SLC12A6: variants seen among roughly 807,000 people sequenced by gnomAD.
SLC12A6 encodes solute carrier family 12 member 6.
A neutral mutation model predicts 135.3 loss-of-function variants in SLC12A6; 66 were observed. That is an observed-to-expected ratio of 0.49 (90% CI 0.40 to 0.60). The LOEUF is 0.60. Ranked by LOEUF, SLC12A6 falls within the 20% of genes least tolerant of loss-of-function variation. The pLI, the probability that SLC12A6 is intolerant of heterozygous loss-of-function variation, is 0.00. For synonymous variants in SLC12A6, 513 were observed against 508.8 expected (o/e 1.01, Z -0.11); for missense variants, 1,058 against 1,452.3 (o/e 0.73, Z 4.41).
chr15:34,273,656 G>A (rs543626466), intron 3 of SLC12A6, among the ~76,000 whole-genome samples: 3 of 152,226 alleles, frequency 2.0e-5, no homozygotes, highest in African/African-American at 7.2e-5. Context: ...CTTTTTGATA[G>A]CTTATTTTTC....
intron 2 of SLC12A6, among the ~76,000 whole-genome samples, chr15:34,298,935 T>G (rs1353072640): frequency 1.3e-5 from 2 of 152,228 alleles, no homozygotes; most frequent in Non-Finnish European, 1.5e-5. Context: ...AATCCTAAAA[T>G]TCTGCCTTTA....
Position 34,245,280 on chromosome 15 carries a change from C to T in SLC12A6, c.1943+5G>A, listed in dbSNP as rs1392511587. 1 of 1,422,224 alleles carries T rather than the reference C, an allele frequency of 7.0e-7. No individual in the cohort carries two copies. The highest frequency in any genetic ancestry group is 1.0e-6 in the Non-Finnish European group (1 of 1,004,804). 88.1% of individuals were successfully genotyped at this position (1,422,224 alleles called of 1,614,324 possible). On this transcript the variant is annotated splice_donor_5th_base_variant and intron_variant, in intron 15 of 25. Coordinates refer to ENST00000354181, the MANE Select transcript of SLC12A6 (RefSeq NM_001365088.1). ...GAATAACTGAAGAGAATCACTGGCT[C>T]TTACATGGAAAGAATTGGGGCCACA...
At chr15:34,249,082 T>C (rs974179500) in intron 13 of SLC12A6, among the ~76,000 whole-genome samples, 2 of 152,150 alleles carry the variant, frequency 1.3e-5, no homozygotes, top group African/African-American at 2.4e-5. Context: ...GAGGTTTGTA[T>C]GTTCAAATTT....
chr15:34,298,470 G>T (rs1387647890), intron 2 of SLC12A6, among the ~76,000 whole-genome samples: 1 of 143,646 alleles, frequency 7.0e-6, no homozygotes, highest in Non-Finnish European at 1.5e-5. Flanking sequence ...GTGAGACTCT[G>T]TCTCAAAATA....
intron 2 of SLC12A6, among the ~76,000 whole-genome samples, chr15:34,278,563 G>C (rs557911128): frequency 1.3e-5 from 2 of 152,200 alleles, no homozygotes; most frequent in Admixed American, 6.5e-5. Context: ...CTTCAGATGA[G>C]TAGAAACAAG....
intron 18 of SLC12A6, 56 bp from the exon 19 acceptor site, chr15:34,240,885 AACAGAATG>A (rs1891596891): frequency 7.2e-7 from 1 of 1,387,386 alleles, no homozygotes; most frequent in African/African-American, 1.4e-5. Context: ...GGGTTTGGGG[AACAGAATG>A]ACAGACTCCA....
At position 34,255,294 on chromosome 15, in the gene SLC12A6, T is replaced by G. The variant is rs556735281; in HGVS notation, c.844A>C (p.Met282Leu). ...FYLGTTFAAA[M>L]YILGAIEIFL... ...ATTTCAATGGCACCAAGGATGTACATGGCTGCTGCAAATGTGGTACCAAGA... is the reference window on the plus strand; with the variant it reads ...ATTTCAATGGCACCAAGGATGTACAGGGCTGCTGCAAATGTGGTACCAAGA... The change falls in exon 8 of 26, where the codon ATG becomes CTG. Residue 282 changes from methionine (M) to leucine (L), a missense_variant. This residue lies in a region of SLC12A6 where 139 missense variants were observed against 202.2 expected (regional missense o/e 0.69). Transcript: ENST00000354181. 30 of 1,610,860 alleles carry G rather than the reference T, an allele frequency of 1.9e-5. No homozygotes were observed. The South Asian group carries it at 2.3e-4, about 12-fold the overall frequency.
intron 2 of SLC12A6, among the ~76,000 whole-genome samples, chr15:34,333,617 T>C (rs1451687104): frequency 1.4e-4 from 22 of 152,202 alleles, no homozygotes; most frequent in Admixed American, 1.4e-3. Flanking sequence ...ATACATAAGC[T>C]AATACACTGC....
intron 17 of SLC12A6, among the ~76,000 whole-genome samples, chr15:34,241,722 T>C (rs1362728029): frequency 6.6e-6 from 1 of 152,246 alleles, no homozygotes. Context: ...GAATGTTATT[T>C]CGTCCTCATT....
intron 3 of SLC12A6, among the ~76,000 whole-genome samples, chr15:34,270,841 A>C (rs1893875919): frequency 1.3e-5 from 2 of 151,556 alleles, no homozygotes; most frequent in African/African-American, 4.8e-5. Context: ...CAAAAAAAAA[A>C]AAAAGAGAGA....
chr15:34,288,291 G>A (rs1302471894), intron 2 of SLC12A6, among the ~76,000 whole-genome samples: 1 of 152,170 alleles, frequency 6.6e-6, no homozygotes, highest in Non-Finnish European at 1.5e-5. Flanking sequence ...TCAGATGGTG[G>A]TAGATGTGTG....
chr15:34,252,746 A>G (rs1892480840), intron 9 of SLC12A6, among the ~76,000 whole-genome samples: 1 of 152,230 alleles, frequency 6.6e-6, no homozygotes, highest in African/African-American at 2.4e-5. Flanking sequence ...CTGTCTGAAG[A>G]CATTATGCTG....
At chr15:34,303,632 G>A (rs1896407676) in intron 2 of SLC12A6, among the ~76,000 whole-genome samples, 1 of 152,176 alleles carries the variant, frequency 6.6e-6, no homozygotes, top group African/African-American at 2.4e-5. Flanking sequence ...TCACTGGGAG[G>A]TGGGGGACTA....
intron 9 of SLC12A6, among the ~76,000 whole-genome samples, chr15:34,252,679 TAC>T (rs1340764840): frequency 1.3e-5 from 2 of 152,178 alleles, no homozygotes; most frequent in East Asian, 1.9e-4. Flanking sequence ...GTTAGGGAAA[TAC>T]AGTTATCTGT....
At chr15:34,262,935 G>A (rs988421076) in intron 3 of SLC12A6, among the ~76,000 whole-genome samples, 44 of 152,284 alleles carry the variant, frequency 2.9e-4, no homozygotes, top group African/African-American at 1.0e-3. Context: ...TGGTGAGCTC[G>A]GGCCTGAGCA....
intron 3 of SLC12A6, among the ~76,000 whole-genome samples, chr15:34,268,705 C>A (rs1893690457): frequency 6.6e-6 from 1 of 152,086 alleles, no homozygotes; most frequent in African/African-American, 2.4e-5. Flanking sequence ...CTTTACTCTG[C>A]AGGAACTAAG....
intron 2 of SLC12A6, among the ~76,000 whole-genome samples, chr15:34,296,444 A>T (rs1895883309): frequency 6.6e-6 from 1 of 152,200 alleles, no homozygotes; most frequent in South Asian, 2.1e-4. Flanking sequence ...TAAATTTCAA[A>T]AAAGACTCGC....
intron 14 of SLC12A6, 69 bp from the exon 15 acceptor site, chr15:34,245,472 A>T (rs1334707339): frequency 1.0e-6 from 1 of 987,040 alleles, no homozygotes; most frequent in Non-Finnish European, 1.6e-6. Context: ...TCTAGCCTAC[A>T]GTTTTCAGAC....
Position 34,254,466 on chromosome 15 carries a change from A to C in SLC12A6, c.1000T>G (p.Phe334Val). The C allele has an allele frequency of 6.2e-7, 1 of 1,614,014 alleles. No individual in the cohort carries two copies. Among genetic ancestry groups the C allele is most frequent in the Non-Finnish European group, 8.5e-7 (1 of 1,179,858 alleles). Reference protein sequence around the residue: ...AFLVLMVLVVFIGVRYVNKFA... With the variant: ...AFLVLMVLVVVIGVRYVNKFA... ...TTGTTCACATAGCGTACGCCGATAA[A>C]TACCACTAATACCATAAGGACCAAG... The change falls in exon 9 of 26, where the codon TTT becomes GTT. Residue 334 changes from phenylalanine to valine, a missense_variant. By Grantham distance (50) the Phe-to-Val change is conservative (BLOSUM62 -1). Coordinates refer to ENST00000354181, the MANE Select transcript of SLC12A6 (RefSeq NM_001365088.1).
Sources: gnomAD v4.1 joint callset for allele counts (sites outside exome capture counted in the v4.1 genomes callset) on GRCh38, gnomAD v4.1.1 for gene constraint, gnomAD v4.1.1 regional missense constraint, MANE v1.5 for transcripts, NCBI Gene and HGNC (gene_info 2026-07-23, HGNC 2026-07-21) for gene names.